CAMK1D: variants seen among roughly 807,000 people sequenced by gnomAD.
The protein encoded by CAMK1D is calcium/calmodulin dependent protein kinase ID, also known as calcium/calmodulin-dependent protein kinase type 1D.
CAMK1D carries 9 observed loss-of-function variants against 47.7 expected under a neutral mutation model. The ratio of observed to expected loss-of-function variants is 0.19; its 90% CI spans 0.11 to 0.33. The LOEUF (loss-of-function observed/expected upper bound fraction) is 0.33, where lower values mean the gene tolerates loss of function less well. Ranked by LOEUF, CAMK1D falls within the 10% of genes least tolerant of loss-of-function variation. The pLI is 1.00. For synonymous variants in CAMK1D, 184 were observed against 184.9 expected (o/e 0.99, Z 0.04); for missense variants, 291 against 488.7 (o/e 0.60, Z 3.81).
At chr10:12,765,385 G>T (rs1051304156) in intron 4 of CAMK1D, among the ~76,000 whole-genome samples, 18 of 152,194 alleles carry the variant, frequency 1.2e-4, no homozygotes, top group African/African-American at 3.6e-4. Context: ...AGAGAGGGGA[G>T]GGGGTAGTGG....
intron 2 of CAMK1D, among the ~76,000 whole-genome samples, chr10:12,570,915 C>T (rs951576375): frequency 6.6e-6 from 1 of 152,096 alleles, no homozygotes; most frequent in Non-Finnish European, 1.5e-5. Context: ...TGCGTCACTG[C>T]ACTCTAGCCT....
intron 3 of CAMK1D, among the ~76,000 whole-genome samples, chr10:12,734,419 C>G (rs1191918587): frequency 1.8e-4 from 2 of 11,386 alleles, no homozygotes; most frequent in African/African-American, 2.9e-4. Flanking sequence ...CACACACACA[C>G]ATGTATATAT....
At chr10:12,807,592 G>A (rs1192906984) in intron 6 of CAMK1D, among the ~76,000 whole-genome samples, 3 of 152,194 alleles carry the variant, frequency 2.0e-5, no homozygotes, top group African/African-American at 7.2e-5. Context: ...AGCGTCCACT[G>A]AAGAGGGAGC....
intron 1 of CAMK1D, among the ~76,000 whole-genome samples, chr10:12,374,515 C>G (rs1838114225): frequency 6.6e-6 from 1 of 152,200 alleles, no homozygotes; most frequent in African/African-American, 2.4e-5. Flanking sequence ...TCTTCAGGGC[C>G]AACTCAAATC....
chr10:12,437,260 C>T (rs1051335828), intron 1 of CAMK1D, among the ~76,000 whole-genome samples: 6 of 152,222 alleles, frequency 3.9e-5, no homozygotes, highest in Admixed American at 2.0e-4. Context: ...GGCACGATCT[C>T]GGCTTACTGC....
chr10:12,645,758 C>T (rs1310024019), intron 2 of CAMK1D, among the ~76,000 whole-genome samples: 4 of 152,154 alleles, frequency 2.6e-5, no homozygotes, highest in Non-Finnish European at 2.9e-5. Context: ...GAGAGTTGGA[C>T]GGCTGATGGG....
intron 1 of CAMK1D, among the ~76,000 whole-genome samples, chr10:12,436,901 T>C (rs1832649074): frequency 6.6e-6 from 1 of 152,178 alleles, no homozygotes; most frequent in African/African-American, 2.4e-5. Context: ...GTCATAGTCA[T>C]GGCTAAGATT....
chr10:12,435,178 G>T (rs2131998340), intron 1 of CAMK1D, among the ~76,000 whole-genome samples: 1 of 138,828 alleles, frequency 7.2e-6, no homozygotes, highest in Admixed American at 8.2e-5. Flanking sequence ...AGCTGAGATT[G>T]TGCCACTGCA....
chr10:12,766,454 G>A (rs1402447569), intron 4 of CAMK1D, among the ~76,000 whole-genome samples: 5 of 148,754 alleles, frequency 3.4e-5, no homozygotes, highest in African/African-American at 1.0e-4. Context: ...AAAGGGAGAT[G>A]GAGCCTCCAT....
At chr10:12,450,974 T>G (rs1313955812) in intron 1 of CAMK1D, among the ~76,000 whole-genome samples, 1 of 152,096 alleles carries the variant, frequency 6.6e-6, no homozygotes, top group African/African-American at 2.4e-5. Context: ...GAGAACCAGC[T>G]TTGAAGACCT....
At chr10:12,359,894 CT>C (rs1390634391) in intron 1 of CAMK1D, among the ~76,000 whole-genome samples, 2 of 152,092 alleles carry the variant, frequency 1.3e-5, no homozygotes, top group African/African-American at 4.8e-5. Flanking sequence ...TTAAAATACC[CT>C]TTTGGGGGAT....
At chr10:12,531,856 A>C (rs1287816243) in intron 1 of CAMK1D, among the ~76,000 whole-genome samples, 1 of 152,272 alleles carries the variant, frequency 6.6e-6, no homozygotes, top group Admixed American at 6.5e-5. Context: ...TGGTTGGTAC[A>C]GCAAATAACT....
chr10:12,562,598 C>A (rs1239774205), intron 2 of CAMK1D, among the ~76,000 whole-genome samples: 1 of 152,210 alleles, frequency 6.6e-6, no homozygotes, highest in Non-Finnish European at 1.5e-5. Flanking sequence ...CCACCCCTCA[C>A]CCCATGTTTC....
intron 3 of CAMK1D, among the ~76,000 whole-genome samples, chr10:12,725,713 C>T (rs955769456): frequency 6.6e-6 from 1 of 152,204 alleles, no homozygotes; most frequent in Non-Finnish European, 1.5e-5. Flanking sequence ...GATTCCAAAA[C>T]TGGTCATGTT....
intron 6 of CAMK1D, among the ~76,000 whole-genome samples, chr10:12,808,706 A>G (rs1832471706): frequency 6.6e-6 from 1 of 152,154 alleles, no homozygotes; most frequent in Non-Finnish European, 1.5e-5. Context: ...TGAACCCAGG[A>G]GGTGGAGGTT....
intron 1 of CAMK1D, among the ~76,000 whole-genome samples, chr10:12,393,418 A>G (rs566001606): frequency 6.6e-6 from 1 of 152,284 alleles, no homozygotes; most frequent in Non-Finnish European, 1.5e-5. Flanking sequence ...AGGCAAAAAC[A>G]TTTCACTCAA....
intron 6 of CAMK1D, among the ~76,000 whole-genome samples, chr10:12,792,955 TGC>T (rs45487200): frequency 3.0e-5 from 3 of 101,344 alleles, no homozygotes; most frequent in East Asian, 3.2e-4. Flanking sequence ...ATCACATGTG[TGC>T]GCGCACACAC....
intron 6 of CAMK1D, among the ~76,000 whole-genome samples, chr10:12,808,820 A>G (rs934186270): frequency 3.0e-4 from 46 of 152,022 alleles, no homozygotes; most frequent in African/African-American, 1.1e-3. Context: ...GTGAAATACT[A>G]TAAGATCCAT....
intron 3 of CAMK1D, among the ~76,000 whole-genome samples, chr10:12,754,233 C>T (rs1836129005): frequency 6.6e-6 from 1 of 152,112 alleles, no homozygotes; most frequent in Non-Finnish European, 1.5e-5. Context: ...TCCTCCTGCC[C>T]CATCCCAGGA....
Sources: gnomAD v4.1 joint callset for allele counts (sites outside exome capture counted in the v4.1 genomes callset) on GRCh38, gnomAD v4.1.1 for gene constraint, MANE v1.5 for transcripts, NCBI Gene and HGNC (gene_info 2026-07-23, HGNC 2026-07-21) for gene names.